The following LRMDA variants were observed in gnomAD, a reference collection of about 807,000 sequenced individuals.
LRMDA encodes leucine rich melanocyte differentiation associated.
LRMDA carries 18 observed loss-of-function variants against 29.8 expected under a neutral mutation model. The ratio of observed to expected loss-of-function variants is 0.60; its 90% CI spans 0.42 to 0.90. The LOEUF is 0.90. Ranked by LOEUF, LRMDA falls within the 40% of genes least tolerant of loss-of-function variation. LRMDA has a pLI of 0.00. For synonymous variants in LRMDA, 125 were observed against 109.4 expected, an observed-to-expected ratio of 1.14 and a Z score of -0.89; for missense variants, 273 against 273.9, an observed-to-expected ratio of 1.00 and a Z score of 0.02.
intron 5 of LRMDA, among the ~76,000 whole-genome samples, chr10:76,090,135 C>T (rs1244521977): frequency 6.6e-6 from 1 of 152,124 alleles, no homozygotes; most frequent in Non-Finnish European, 1.5e-5. Context: ...TAAGCACCTC[C>T]TGTATATGGG....
At chr10:76,253,292 G>A (rs183183525) in intron 5 of LRMDA, among the ~76,000 whole-genome samples, 1 of 152,258 alleles carries the variant, frequency 6.6e-6, no homozygotes, top group East Asian at 1.9e-4. Context: ...TTGATTCATG[G>A]ATCAACATTT....
At chr10:76,523,012 A>C (rs1352441376) in intron 6 of LRMDA, among the ~76,000 whole-genome samples, 2 of 152,124 alleles carry the variant, frequency 1.3e-5, no homozygotes, top group East Asian at 3.9e-4. Context: ...CCAGAGAAAA[A>C]GAGTTGCTGC....
At chr10:75,581,731 C>A (rs1840594830) in intron 2 of LRMDA, among the ~76,000 whole-genome samples, 1 of 148,114 alleles carries the variant, frequency 6.8e-6, no homozygotes. Flanking sequence ...GGGAGTTGAA[C>A]AATGAGAACA....
chr10:75,495,333 G>GTT (rs146482676), intron 2 of LRMDA, among the ~76,000 whole-genome samples: 2 of 148,024 alleles, frequency 1.4e-5, no homozygotes, highest in Admixed American at 6.7e-5. Flanking sequence ...GCCTTTTATG[G>GTT]TTTTTTTTTT....
At chr10:76,436,338 A>G (rs1842244601) in intron 6 of LRMDA, among the ~76,000 whole-genome samples, 1 of 152,182 alleles carries the variant, frequency 6.6e-6, no homozygotes, top group Non-Finnish European at 1.5e-5. Context: ...TGGACTGTAA[A>G]TGGTGAAAGG....
chr10:75,520,244 A>T lies in LRMDA; in HGVS notation c.131+81750A>T, dbSNP rs568060525. Among the ~76,000 whole-genome samples, 15 of 152,292 alleles carry T rather than the reference A, an allele frequency of 9.8e-5. No homozygotes were observed. In the South Asian group the frequency reaches 2.5e-3, roughly 25 times the overall value. On this transcript the variant is annotated intron_variant, in intron 2 of 6. Transcript: ENST00000611255. ...TTGGCCTGCCTTGGTAGGTTGGGGA[A>T]GTTTTCCTGGATAATATCCTGAAGA...
intron 4 of LRMDA, among the ~76,000 whole-genome samples, chr10:76,058,405 G>T (rs576503096): frequency 6.6e-6 from 1 of 152,252 alleles, no homozygotes; most frequent in Admixed American, 6.5e-5. Context: ...ACCCACGTGT[G>T]TGTGTGTGTG....
intron 2 of LRMDA, among the ~76,000 whole-genome samples, chr10:75,559,932 G>A (rs887048654): frequency 5.2e-5 from 7 of 135,472 alleles, no homozygotes; most frequent in South Asian, 2.9e-4. Flanking sequence ...TTTGGTTACT[G>A]TAGCCTTGTA....
intron 2 of LRMDA, among the ~76,000 whole-genome samples, chr10:75,674,386 G>A (rs901679171): frequency 4.6e-5 from 7 of 152,128 alleles, no homozygotes; most frequent in South Asian, 2.1e-4. Context: ...GGTAGAAAGA[G>A]CATGTTTGAA....
rs529964222 is a variant in LRMDA at position 76,456,458 on chromosome 10, T to G, written c.602-100751T>G. On this transcript the variant is annotated intron_variant, in intron 6 of 6. Coordinates refer to ENST00000611255, the MANE Select transcript of LRMDA (RefSeq NM_001305581.2). ...CCACGTGATGTGGCTCCAGAGCACA[T>G]GACTCAGATGTCCATTGAAAAGCTG... Among the ~76,000 whole-genome samples, 122 of 152,158 alleles carry G rather than the reference T, an allele frequency of 8.0e-4. 2 individuals carry two copies. Among genetic ancestry groups the G allele is most frequent in the Admixed American group, 4.6e-4 (7 of 15,278 alleles).
chr10:75,614,935 G>A (rs1419752234), intron 2 of LRMDA, among the ~76,000 whole-genome samples: 2 of 152,212 alleles, frequency 1.3e-5, no homozygotes, highest in Non-Finnish European at 2.9e-5. Context: ...GGGAGATGGA[G>A]TTAGGTGCTC....
intron 2 of LRMDA, among the ~76,000 whole-genome samples, chr10:75,909,308 A>G (rs186924471): frequency 5.1e-4 from 77 of 152,256 alleles, no homozygotes; most frequent in African/African-American, 1.7e-3. Flanking sequence ...TTGGAATGAA[A>G]TCATATGTGG....
intron 2 of LRMDA, among the ~76,000 whole-genome samples, chr10:75,610,732 G>A (rs1266161859): frequency 6.6e-6 from 1 of 152,140 alleles, no homozygotes; most frequent in Non-Finnish European, 1.5e-5. Context: ...GGCAATACAT[G>A]TTCCCTAAAA....
intron 2 of LRMDA, among the ~76,000 whole-genome samples, chr10:75,589,866 CTA>C (rs1474951103): frequency 3.3e-5 from 5 of 151,842 alleles, no homozygotes; most frequent in African/African-American, 9.7e-5. Flanking sequence ...TGTGTGTACT[CTA>C]TGGGTATGTA....
Position 76,487,319 on chromosome 10 carries a change from G to A in LRMDA, c.602-69890G>A, listed in dbSNP as rs185125732. 5.7e-4 allele frequency among the ~76,000 whole-genome samples: 86 copies of A among 151,906 alleles called. 2 individuals are homozygous for A. The South Asian group carries it at 0.016, about 28-fold the overall frequency. ...AGTAGATGATTATATTATTGTATGC[G>A]GAAGATATCAGGGGCTTGAAGTTGG... On this transcript the variant is annotated intron_variant, in intron 6 of 6. Coordinates refer to ENST00000611255, the MANE Select transcript of LRMDA (RefSeq NM_001305581.2).
intron 2 of LRMDA, among the ~76,000 whole-genome samples, chr10:75,694,382 C>A (rs2132164168): frequency 6.6e-6 from 1 of 152,308 alleles, no homozygotes; most frequent in African/African-American, 2.4e-5. Context: ...CCGTAGGATG[C>A]AAACCACAAG....
intron 6 of LRMDA, among the ~76,000 whole-genome samples, chr10:76,472,093 G>T (rs1424185508): frequency 1.3e-5 from 2 of 151,702 alleles, no homozygotes; most frequent in East Asian, 3.9e-4. Context: ...GACATCTGTA[G>T]ACCTTCCACC....
rs7095253 is a variant in LRMDA, at chr10:76,236,614, T to C, written c.517-87787T>C. Among the ~76,000 whole-genome samples the C allele has an allele frequency of 2.0e-3, 311 of 152,280 alleles. 2 individuals are homozygous for C. Among genetic ancestry groups the C allele is most frequent in the African/African-American group, 7.2e-3 (301 of 41,570 alleles). ...CCTAGCCCCAAACTCCTTGGGGAGA[T>C]GGATTTGAGGTTTCCTTCTGTCTCC... On this transcript the variant is annotated intron_variant, in intron 5 of 6. Transcript: ENST00000611255.
chr10:76,368,759 ATTGTTT>A (rs1841420912), intron 6 of LRMDA, among the ~76,000 whole-genome samples: 2 of 151,960 alleles, frequency 1.3e-5, no homozygotes, highest in African/African-American at 2.4e-5. Context: ...TCTATTAGTA[ATTGTTT>A]TATAAATTTG....
Sources: allele counts gnomAD v4.1 joint callset (sites outside exome capture counted in the v4.1 genomes callset), GRCh38; gene constraint gnomAD v4.1.1; transcripts MANE v1.5; gene names NCBI Gene and HGNC (gene_info 2026-07-23, HGNC 2026-07-21).